The following ARL8B variants were observed in gnomAD, a reference collection of about 807,000 sequenced individuals.
ARL8B encodes the protein ADP-ribosylation factor-like protein 8B.
A neutral mutation model predicts 30.6 loss-of-function variants in ARL8B; 9 were observed. The ratio of observed to expected loss-of-function variants is 0.29; its 90% confidence interval spans 0.18 to 0.51. The LOEUF (loss-of-function observed/expected upper bound fraction) is 0.51, where lower values mean the gene tolerates loss of function less well. ARL8B is among the 20% of genes least tolerant of loss of function. ARL8B has a pLI of 0.97. For synonymous variants in ARL8B, 74 were observed against 76.0 expected, an observed-to-expected ratio of 0.97 and a Z score of 0.14; for missense variants, 130 against 227.2, an observed-to-expected ratio of 0.57 and a Z score of 2.75.
At chr3:5,174,743 ATATATAATATAT>A (rs1440699962) in intron 6 of ARL8B, among the ~76,000 whole-genome samples, 2 of 131,690 alleles carry the variant, frequency 1.5e-5, no homozygotes, top group African/African-American at 6.1e-5. Flanking sequence ...TATATATGTA[ATATATAATATAT>A]ATAAATATAT....
In ARL8B at chr3:5,173,997, AAT is replaced by A; in HGVS notation, c.373-17_373-16del. 6.3e-7 allele frequency: 1 copy of A among 1,581,062 alleles called. No individual in the cohort carries two copies. Among genetic ancestry groups the A allele is most frequent in the Non-Finnish European group, 8.7e-7 (1 of 1,150,900 alleles). ...TTTTCTTGCATAAACGTGTGCTCTT[AAT>A]ATCTTTTCTTTTTAAAGGTGCTAGT... On this transcript the variant is annotated intron_variant, in intron 4 of 6. Coordinates refer to ENST00000256496, the MANE Select transcript of ARL8B (RefSeq NM_018184.3).
intron 1 of ARL8B, among the ~76,000 whole-genome samples, chr3:5,136,820 T>A (rs558123043): frequency 2.6e-5 from 4 of 152,186 alleles, no homozygotes; most frequent in Non-Finnish European, 5.9e-5. Context: ...CTTGTTTTTG[T>A]CCGCTGGTAC....
At chr3:5,135,745 C>G (rs888483022) in intron 1 of ARL8B, among the ~76,000 whole-genome samples, 3 of 143,732 alleles carry the variant, frequency 2.1e-5, no homozygotes, top group Non-Finnish European at 4.5e-5. Context: ...GCGTGAGCCA[C>G]CGCACCTGGC....
At chr3:5,125,613 A>G (rs1263705265) in intron 1 of ARL8B, among the ~76,000 whole-genome samples, 1 of 151,560 alleles carries the variant, frequency 6.6e-6, no homozygotes. Flanking sequence ...GCTCACTGCA[A>G]CCTCTGCCTC....
chr3:5,131,579 C>T (rs1176128690), intron 1 of ARL8B, among the ~76,000 whole-genome samples: 1 of 151,878 alleles, frequency 6.6e-6, no homozygotes, highest in Non-Finnish European at 1.5e-5. Flanking sequence ...TTAGTAGAGA[C>T]AGGGTTTCAC....
chr3:5,137,142 G>C (rs779951946), intron 1 of ARL8B, among the ~76,000 whole-genome samples: 7 of 152,236 alleles, frequency 4.6e-5, no homozygotes, highest in Middle Eastern at 3.4e-3. Flanking sequence ...CCTCCTCAAA[G>C]CTTCAGTTTC....
chr3:5,164,490 C>T (rs1462115245), intron 1 of ARL8B, among the ~76,000 whole-genome samples: 1 of 152,164 alleles, frequency 6.6e-6, no homozygotes, highest in Admixed American at 6.5e-5. Context: ...ACTCATACCC[C>T]TTTCTAGGAT....
chr3:5,123,503 G>T (rs1237212860), intron 1 of ARL8B, among the ~76,000 whole-genome samples: 3 of 152,250 alleles, frequency 2.0e-5, no homozygotes, highest in African/African-American at 7.2e-5. Flanking sequence ...GAAAGATTTC[G>T]CCTCGATCTT....
intron 1 of ARL8B, among the ~76,000 whole-genome samples, chr3:5,129,073 G>T (rs2054258259): frequency 6.6e-6 from 1 of 152,326 alleles, no homozygotes; most frequent in Non-Finnish European, 1.5e-5. Flanking sequence ...ATGTGTTCCA[G>T]AGTTGGTATT....
intron 1 of ARL8B, among the ~76,000 whole-genome samples, chr3:5,160,168 A>G (rs2054568821): frequency 6.6e-6 from 1 of 152,210 alleles, no homozygotes. Context: ...TGACTTCACA[A>G]GTTGACAAAA....
At chr3:5,128,720 TGAAAA>T (rs1346697633) in intron 1 of ARL8B, 5 of 203,644 alleles carry the variant, frequency 2.5e-5, no homozygotes, top group African/African-American at 1.2e-4. Flanking sequence ...AGCGGAGATG[TGAAAA>T]GAATAGTATA....
chr3:5,169,760 T>C (rs913436050), intron 1 of ARL8B, among the ~76,000 whole-genome samples: 2 of 152,240 alleles, frequency 1.3e-5, no homozygotes, highest in African/African-American at 4.8e-5. Flanking sequence ...TAATCACATA[T>C]GTGAAAGTCC....
chr3:5,175,939 CT>C (rs2054725996), intron 6 of ARL8B, among the ~76,000 whole-genome samples: 1 of 152,156 alleles, frequency 6.6e-6, no homozygotes, highest in Non-Finnish European at 1.5e-5. Flanking sequence ...TGCAGAGACC[CT>C]ATTTCCAGTA....
intron 6 of ARL8B, among the ~76,000 whole-genome samples, chr3:5,174,746 TATA>T (rs1411150340): frequency 7.3e-6 from 1 of 137,548 alleles, no homozygotes; most frequent in Non-Finnish European, 1.5e-5. Context: ...ATATGTAATA[TATA>T]ATATATATAA....
chr3:5,165,515 A>G (rs1414724838), intron 1 of ARL8B, among the ~76,000 whole-genome samples: 1 of 152,172 alleles, frequency 6.6e-6, no homozygotes, highest in African/African-American at 2.4e-5. Context: ...TTAAAAAGAA[A>G]GAAAAGACCA....
chr3:5,166,006 C>T (rs983785165), intron 1 of ARL8B, among the ~76,000 whole-genome samples: 1 of 151,788 alleles, frequency 6.6e-6, no homozygotes, highest in African/African-American at 2.4e-5. Context: ...AATAGTTGCA[C>T]CCGCCCCCTC....
chr3:5,149,124 C>G (rs959140585), intron 1 of ARL8B, among the ~76,000 whole-genome samples: 2 of 152,218 alleles, frequency 1.3e-5, no homozygotes, highest in African/African-American at 4.8e-5. Flanking sequence ...CAGTTGCACA[C>G]ACTTGACCTC....
At chr3:5,132,623 C>T (rs2054293110) in intron 1 of ARL8B, among the ~76,000 whole-genome samples, 1 of 152,174 alleles carries the variant, frequency 6.6e-6, no homozygotes, top group Admixed American at 6.6e-5. Context: ...AAGACTTTAT[C>T]ATATTTTACA....
intron 1 of ARL8B, among the ~76,000 whole-genome samples, chr3:5,128,220 ATTT>A (rs1395717371): frequency 6.6e-6 from 1 of 151,278 alleles, no homozygotes; most frequent in Non-Finnish European, 1.5e-5. Flanking sequence ...ATTGCTTATT[ATTT>A]AATTTCTTTG....
Sources: allele counts gnomAD v4.1 joint callset (sites outside exome capture counted in the v4.1 genomes callset), GRCh38; gene constraint gnomAD v4.1.1; transcripts MANE v1.5; gene names NCBI Gene and HGNC (gene_info 2026-07-23, HGNC 2026-07-21).